Variants in NUP155 observed in about 807,000 individuals in gnomAD.
NUP155 encodes the protein nucleoporin 155.
In NUP155, 71 loss-of-function variants were observed where a neutral mutation model predicts 180.4. That is an observed-to-expected ratio of 0.39 (90% CI 0.33 to 0.48). The LOEUF (loss-of-function observed/expected upper bound fraction) is 0.48. Among genes scored for constraint, NUP155 ranks in the 20% least tolerant of loss-of-function variants. The pLI is 0.91. For synonymous variants in NUP155, 582 were observed against 559.5 expected, an observed-to-expected ratio of 1.04 and a Z score of -0.57; for missense variants, 1,553 against 1,648.9, an observed-to-expected ratio of 0.94 and a Z score of 1.01.
At chr5:37,293,681 A>G (rs2150934630) in intron 33 of NUP155, among the ~76,000 whole-genome samples, 1 of 152,336 alleles carries the variant, frequency 6.6e-6, no homozygotes, top group South Asian at 2.1e-4. Flanking sequence ...AATAAATACA[A>G]TGTAATCTTG....
At chr5:37,298,794 C>A in intron 32 of NUP155, 74 bp downstream of exon 32, 1 of 812,076 alleles carries the variant, frequency 1.2e-6, no homozygotes, top group Non-Finnish European at 2.2e-6. Flanking sequence ...CTCGAAAGAT[C>A]GTTATTTGTC....
chr5:37,320,245 AGGCG>A (rs1183992668), intron 20 of NUP155, among the ~76,000 whole-genome samples: 1 of 152,202 alleles, frequency 6.6e-6, no homozygotes, highest in African/African-American at 2.4e-5. Flanking sequence ...TGGGAGGCTG[AGGCG>A]GGTGGATAAC....
In NUP155 at chr5:37,365,738, A is replaced by AAAAATAT. The variant is rs1561818758; in HGVS notation, c.158-1355_158-1354insATATTTT. On this transcript the variant is annotated intron_variant, in intron 1 of 34. Coordinates refer to ENST00000231498, the MANE Select transcript of NUP155 (RefSeq NM_153485.3). ...GAAAAAAAAAAAAAAAAAAAAAAAAAATATATATATATATACACACACACA... is the reference window on the plus strand; with the variant it reads ...GAAAAAAAAAAAAAAAAAAAAAAAAAAAAATATATATATATATATATACACACACACA... Among the ~76,000 whole-genome samples, 131 of 37,136 alleles carry AAAAATAT rather than the reference A, an allele frequency of 3.5e-3. 9 individuals are homozygous for AAAAATAT. Among genetic ancestry groups the AAAAATAT allele is most frequent in the South Asian group, 6.3e-3 (4 of 638 alleles). 24.4% of individuals were successfully genotyped at this position (37,136 alleles called of 152,430 possible).
chr5:37,332,653 C>T (rs1745055439), intron 13 of NUP155, among the ~76,000 whole-genome samples: 1 of 152,064 alleles, frequency 6.6e-6, no homozygotes, highest in Admixed American at 6.6e-5. Context: ...GGAAGCTTTT[C>T]AACTATGACA....
Position 37,363,897 on chromosome 5 carries a change from T to C in NUP155, c.383A>G (p.Tyr128Cys), listed in dbSNP as rs774465047. The C allele has an allele frequency of 2.5e-6, 4 of 1,610,316 alleles. No homozygotes were observed. The highest frequency in any genetic ancestry group is 1.7e-5 in the Admixed American group (1 of 60,004). The change falls in exon 3 of 35, where the codon TAT becomes TGT. Residue 128 changes from tyrosine (Y) to cysteine (C), a missense_variant. Tyr to Cys is a radical substitution (Grantham distance 194). Transcript: ENST00000231498. The stretch of plus-strand genomic sequence containing the variant: ...AGCCTTAAATACATACCCATCCTCA[T>C]AGTTCCACATGAATATATCACTGTC... The part of the protein sequence containing the change: ...TIDSDIFMWN[Y>C]EDGGDLAYFD...
intron 12 of NUP155, among the ~76,000 whole-genome samples, chr5:37,336,030 G>A (rs921992548): frequency 1.3e-5 from 2 of 152,006 alleles, no homozygotes; most frequent in South Asian, 4.1e-4. Flanking sequence ...TTACCCAGCT[G>A]TTCTAATGTC....
chr5:37,305,737 C>T (rs544941942), intron 25 of NUP155, among the ~76,000 whole-genome samples: 21 of 151,634 alleles, frequency 1.4e-4, no homozygotes, highest in Non-Finnish European at 2.7e-4. Context: ...CCAGGCGTGG[C>T]GGTGTGCACC....
rs1747404693 is a variant in NUP155 at position 37,364,275 on chromosome 5, G to A, written c.267C>T (p.Leu89=). 6.2e-7 allele frequency: 1 copy of A among 1,612,818 alleles called. No homozygotes were observed. The highest frequency in any genetic ancestry group is 1.7e-5 in the Admixed American group (1 of 59,972). The change falls in exon 2 of 35, where the codon CTC becomes CTT. Residue 89 remains leucine (L), a synonymous_variant. Coordinates refer to ENST00000231498, the MANE Select transcript of NUP155 (RefSeq NM_153485.3). ...CAAACTGCTCAACAAGTTCAGGTGG[G>A]AGAGGAACTCTTCGGATGGAACTGA... ...PEISSIRRVP[L]PPELVEQFGH... is the part of the protein sequence containing the mutation.
chr5:37,295,393 C>G (rs217812), intron 32 of NUP155, among the ~76,000 whole-genome samples: 4,104 of 151,566 alleles, frequency 0.027, 193 homozygotes, highest in African/African-American at 0.094. Context: ...ATCTCGGCTC[C>G]CTACAACATC....
chr5:37,363,925 T>A lies in NUP155; in HGVS notation c.355A>T (p.Ile119Phe), dbSNP rs1747377469. ...FPPISRAWLTIDSDIFMWNYE... is the reference protein window; with the variant it reads ...FPPISRAWLTFDSDIFMWNYE... Reference sequence around the variant, plus strand: ...TTCCACATGAATATATCACTGTCAATTGTGAGCCAAGCTCTGCTGATAGGA... The same window carrying A: ...TTCCACATGAATATATCACTGTCAAATGTGAGCCAAGCTCTGCTGATAGGA... Residue 119 changes from isoleucine to phenylalanine, a missense_variant, in exon 3 of 35, where the codon ATT becomes TTT. Transcript: ENST00000231498. 6.2e-7 allele frequency: 1 copy of A among 1,613,766 alleles called. No homozygotes were observed. Among genetic ancestry groups the A allele is most frequent in the Non-Finnish European group, 8.5e-7 (1 of 1,179,782 alleles).
chr5:37,301,307 C>G, intron 30 of NUP155, 130 bp downstream of exon 30: 5 of 643,916 alleles, frequency 7.8e-6, no homozygotes, highest in Non-Finnish European at 1.4e-5. Context: ...CAGTGACAAG[C>G]TGCCAAAGAT....
chr5:37,338,317 C>CA (rs530524699), intron 11 of NUP155, among the ~76,000 whole-genome samples: 11,355 of 64,568 alleles, frequency 0.18, 1,096 homozygotes, highest in African/African-American at 0.3. Flanking sequence ...GATTCCGTCT[C>CA]AAAAAAAAAA....
At chr5:37,364,647 T>A (rs1747435855) in intron 1 of NUP155, among the ~76,000 whole-genome samples, 1 of 151,916 alleles carries the variant, frequency 6.6e-6, no homozygotes, top group Admixed American at 6.6e-5. Flanking sequence ...TTTATTTTTT[T>A]TTTTTTTGAG....
At chr5:37,295,031 A>C (rs1742447912) in intron 32 of NUP155, among the ~76,000 whole-genome samples, 1 of 152,144 alleles carries the variant, frequency 6.6e-6, no homozygotes, top group Admixed American at 6.5e-5. Flanking sequence ...TTTAAAAAAA[A>C]TAGGTTTCCT....
chr5:37,334,107 GTT>G (rs528866736), intron 12 of NUP155, among the ~76,000 whole-genome samples: 2 of 142,832 alleles, frequency 1.4e-5, no homozygotes, highest in African/African-American at 2.6e-5. Flanking sequence ...GGCCTCTGGG[GTT>G]TTTTTTTTTT....
chr5:37,303,238 C>T (rs1742962507), intron 28 of NUP155, 22 bp downstream of exon 28: 1 of 1,611,224 alleles, frequency 6.2e-7, no homozygotes, highest in African/African-American at 1.3e-5. Context: ...TCATTCTTCA[C>T]AATAAGAATA....
chr5:37,341,043 C>A, intron 11 of NUP155, 47 bp downstream of exon 11: 1 of 1,452,374 alleles, frequency 6.9e-7, no homozygotes, highest in Non-Finnish European at 9.6e-7. Flanking sequence ...ATAATTTTAA[C>A]AATTTTAAGA....
chr5:37,299,817 G>A (rs749911604), intron 30 of NUP155, among the ~76,000 whole-genome samples: 9 of 151,762 alleles, frequency 5.9e-5, no homozygotes, highest in African/African-American at 1.5e-4. Context: ...GGCGGATCAC[G>A]AGATCGGGAG....
At chr5:37,348,428 T>C in intron 9 of NUP155, 77 bp downstream of exon 9, 2 of 920,624 alleles carry the variant, frequency 2.2e-6, no homozygotes, top group Non-Finnish European at 3.7e-6. Context: ...GGGAATAATA[T>C]ATACTTTTAG....
Sources: allele counts gnomAD v4.1 joint callset (sites outside exome capture counted in the v4.1 genomes callset), GRCh38; gene constraint gnomAD v4.1.1; transcripts MANE v1.5; gene names NCBI Gene and HGNC (gene_info 2026-07-23, HGNC 2026-07-21).